Variants in PVALB observed in about 807,000 individuals in gnomAD.
PVALB encodes the protein parvalbumin alpha.
A neutral mutation model predicts 10.9 loss-of-function variants in PVALB; 11 were observed. The observed-to-expected ratio is 1.01, with a 90% CI of 0.63 to 1.67. The LOEUF (loss-of-function observed/expected upper bound fraction) is 1.67. Ranked by LOEUF, PVALB falls within the 40% of genes most tolerant of loss-of-function variation. PVALB has a pLI of 0.00. For synonymous variants in PVALB, 57 were observed against 50.7 expected (o/e 1.12, Z -0.53); for missense variants, 131 against 136.2 (o/e 0.96, Z 0.19).
intron 3 of PVALB, among the ~76,000 whole-genome samples, chr22:36,806,906 G>A (rs922138578): frequency 6.6e-6 from 1 of 152,128 alleles, no homozygotes; most frequent in Non-Finnish European, 1.5e-5. Flanking sequence ...CTCAAAGGTT[G>A]GAGTTAAATG....
chr22:36,813,971 T>C (rs946810750), intron 2 of PVALB, among the ~76,000 whole-genome samples: 1 of 152,158 alleles, frequency 6.6e-6, no homozygotes, highest in African/African-American at 2.4e-5. Flanking sequence ...CTGTCCTCAG[T>C]GAAGGGTTGT....
chr22:36,814,306 C>T (rs2078773351), intron 2 of PVALB, among the ~76,000 whole-genome samples: 1 of 139,510 alleles, frequency 7.2e-6, no homozygotes, highest in African/African-American at 2.9e-5. Flanking sequence ...TGTGTGTGTG[C>T]ATAAGTGTGC....
At chr22:36,819,001 C>T (rs1216686807), upstream of PVALB, among the ~76,000 whole-genome samples, 1 of 152,192 alleles carries the variant, frequency 6.6e-6, no homozygotes, top group African/African-American at 2.4e-5. Context: ...CCATCTCTCC[C>T]TGCTGCTGAG....
chr22:36,816,852 G>A, intron 1 of PVALB, 93 bp downstream of exon 1: 1 of 1,156,042 alleles, frequency 8.7e-7, no homozygotes, highest in Non-Finnish European at 1.2e-6. Flanking sequence ...GAAGCGCGCT[G>A]GGGAGGATCC....
intron 3 of PVALB, among the ~76,000 whole-genome samples, chr22:36,810,131 C>T (rs1939023531): frequency 6.6e-6 from 1 of 152,184 alleles, no homozygotes; most frequent in Non-Finnish European, 1.5e-5. Flanking sequence ...GATCTGCCCG[C>T]CTTGGACTCC....
At chr22:36,801,763 G>A (rs868182839) in intron 3 of PVALB, among the ~76,000 whole-genome samples, 7 of 152,264 alleles carry the variant, frequency 4.6e-5, no homozygotes, top group South Asian at 2.1e-4. Flanking sequence ...TCGTGCCACC[G>A]CACTCCAGCT....
At chr22:36,805,439 G>A (rs1253541636) in intron 3 of PVALB, among the ~76,000 whole-genome samples, 3 of 152,188 alleles carry the variant, frequency 2.0e-5, no homozygotes, top group Non-Finnish European at 2.9e-5. Flanking sequence ...GTTGCTGCCC[G>A]GCAGAAGCAG....
chr22:36,816,043 TTTTGTGTGTG>T (rs1569094669), intron 1 of PVALB, among the ~76,000 whole-genome samples: 2 of 70,286 alleles, frequency 2.8e-5, no homozygotes, highest in African/African-American at 3.1e-4. Flanking sequence ...AGATCATGTA[TTTTGTGTGTG>T]TGTGTGTGTG....
At chr22:36,814,581 T>C (rs1201645145) in intron 2 of PVALB, among the ~76,000 whole-genome samples, 1 of 152,140 alleles carries the variant, frequency 6.6e-6, no homozygotes, top group African/African-American at 2.4e-5. Context: ...GCATGCATTT[T>C]CCTAGCCACA....
At chr22:36,813,615 T>C in intron 3 of PVALB, 31 bp downstream of exon 3, 1 of 1,545,902 alleles carries the variant, frequency 6.5e-7, no homozygotes, top group Non-Finnish European at 8.9e-7. Flanking sequence ...AGATCCACAA[T>C]ATGCCCAGAC....
chr22:36,812,689 C>T (rs1939065468), intron 3 of PVALB, among the ~76,000 whole-genome samples: 1 of 152,170 alleles, frequency 6.6e-6, no homozygotes, highest in African/African-American at 2.4e-5. Context: ...GCCCAGAGGC[C>T]AAACACCTAC....
intron 3 of PVALB, among the ~76,000 whole-genome samples, chr22:36,812,810 T>C (rs142305659): frequency 6.6e-6 from 1 of 152,380 alleles, no homozygotes; most frequent in African/African-American, 2.4e-5. Flanking sequence ...TCCACCGCTA[T>C]GTCCTAGCTC....
chr22:36,801,420 G>A (rs7290723), intron 3 of PVALB, among the ~76,000 whole-genome samples: 21 of 152,158 alleles, frequency 1.4e-4, no homozygotes, highest in Non-Finnish European at 2.2e-4. Flanking sequence ...TTGCTGCCAC[G>A]TGCCACTACG....
intron 3 of PVALB, among the ~76,000 whole-genome samples, chr22:36,805,496 G>A (rs1938935591): frequency 6.6e-6 from 1 of 152,190 alleles, no homozygotes; most frequent in Non-Finnish European, 1.5e-5. Context: ...CATCATCGTT[G>A]TTCTTGTTGC....
intron 3 of PVALB, among the ~76,000 whole-genome samples, chr22:36,807,586 A>G (rs566911178): frequency 1.3e-5 from 2 of 152,290 alleles, no homozygotes; most frequent in East Asian, 3.9e-4. Flanking sequence ...ACATTCCCAT[A>G]AAATAAGAGG....
At chr22:36,803,327 C>T (rs755651185) in intron 3 of PVALB, among the ~76,000 whole-genome samples, 9 of 152,204 alleles carry the variant, frequency 5.9e-5, no homozygotes, top group Non-Finnish European at 7.3e-5. Context: ...TTTTTATTTA[C>T]TTCATAGTCC....
In PVALB at chr22:36,800,812, A is replaced by G; in HGVS notation, c.*78T>C. 1 of 1,468,732 alleles carries G rather than the reference A, an allele frequency of 6.8e-7. No individual in the cohort carries two copies. Among genetic ancestry groups the G allele is most frequent in the Non-Finnish European group, 9.5e-7 (1 of 1,047,810 alleles). 91.0% of individuals were successfully genotyped at this position (1,468,732 alleles called of 1,614,324 possible). A position where few individuals can be genotyped will look rare whatever the true frequency, so the allele number is the denominator to read the frequency against. ...AATAACATAAACGAACTGAACAGAA[A>G]TGCAGGAGGGTGGCGAGAGGGGCCG... On this transcript the variant is annotated 3_prime_UTR_variant, in exon 4 of 4. Transcript: ENST00000417718.
intron 3 of PVALB, among the ~76,000 whole-genome samples, chr22:36,811,855 C>G (rs532837946): frequency 6.6e-6 from 1 of 152,160 alleles, no homozygotes. Context: ...GCCAATGATG[C>G]CTTTCCAATA....
chr22:36,811,280 TAAATAAATAA>T (rs1248372645), intron 3 of PVALB, among the ~76,000 whole-genome samples: 1 of 50,414 alleles, frequency 2.0e-5, no homozygotes, highest in Non-Finnish European at 4.6e-5. Flanking sequence ...TGTCTCTAAA[TAAATAAATAA>T]ATAAATAAAT....
Sources: gnomAD v4.1 joint callset for allele counts (sites outside exome capture counted in the v4.1 genomes callset) on GRCh38, gnomAD v4.1.1 for gene constraint, MANE v1.5 for transcripts, NCBI Gene and HGNC (gene_info 2026-07-23, HGNC 2026-07-21) for gene names.